PCMT1: variants seen among roughly 807,000 people sequenced by gnomAD.
PCMT1 encodes protein-L-isoaspartate(D-aspartate) O-methyltransferase.
A neutral mutation model predicts 29.2 loss-of-function variants in PCMT1; 9 were observed. The ratio of observed to expected loss-of-function variants is 0.31; its 90% confidence interval spans 0.19 to 0.54. The LOEUF is 0.54. Among genes scored for constraint, PCMT1 ranks in the 20% least tolerant of loss-of-function variants. PCMT1 has a pLI of 0.95. For synonymous variants in PCMT1, 98 were observed against 97.5 expected (o/e 1.00, Z -0.03); for missense variants, 184 against 282.2 (o/e 0.65, Z 2.49).
intron 6 of PCMT1, chr6:149,799,263 A>T (rs1788727093): frequency 6.6e-6 from 1 of 152,202 alleles, no homozygotes; most frequent in African/African-American, 2.4e-5. Context: ...TCAGTGAACC[A>T]TGATTGCACC....
In PCMT1 at chr6:149,793,603, G is replaced by T; in HGVS notation, c.352G>T (p.Asp118Tyr). 6.4e-7 allele frequency: 1 copy of T among 1,568,848 alleles called. No homozygotes were observed. The highest frequency in any genetic ancestry group is 1.2e-5 in the South Asian group (1 of 82,432). ...GIDHIKELVD[D>Y]SVNNVRKDDP... ...TGATCACATTAAAGAGCTAGTAGAT[G>T]ACTCAGTAAATAATGTCAGGAAGGA... Residue 118 changes from aspartate (D) to tyrosine (Y), a missense_variant, in exon 5 of 8, where the codon GAC (aspartate) becomes TAC (tyrosine). Coordinates refer to ENST00000464889, the MANE Select transcript of PCMT1 (RefSeq NM_001360452.2).
intron 1 of PCMT1, among the ~76,000 whole-genome samples, chr6:149,758,204 C>CTTTTTTTTTTTTTT (rs1583003709): frequency 1.5e-5 from 1 of 68,226 alleles, no homozygotes; most frequent in African/African-American, 6.3e-5. Context: ...TTCTTTCTTT[C>CTTTTTTTTTTTTTT]TTTCTTTTTT....
intron 3 of PCMT1, among the ~76,000 whole-genome samples, chr6:149,780,317 A>G (rs1414560479): frequency 6.6e-6 from 1 of 151,134 alleles, no homozygotes; most frequent in Non-Finnish European, 1.5e-5. Flanking sequence ...CCCCTGCCTG[A>G]GTGACAGATC....
intron 4 of PCMT1, among the ~76,000 whole-genome samples, chr6:149,793,319 T>TA (rs528675033): frequency 2.9e-4 from 44 of 152,194 alleles, no homozygotes; most frequent in Non-Finnish European, 5.1e-4. Context: ...CTAAGAAAGA[T>TA]ATAATTTTTC....
chr6:149,762,936 G>GAT (rs1463088505), intron 1 of PCMT1, among the ~76,000 whole-genome samples: 1 of 49,070 alleles, frequency 2.0e-5, no homozygotes, highest in Non-Finnish European at 2.8e-5. Context: ...TGATATATAT[G>GAT]ATATATATAT....
intron 1 of PCMT1, among the ~76,000 whole-genome samples, chr6:149,759,421 A>G (rs1177886789): frequency 6.6e-6 from 1 of 152,228 alleles, no homozygotes; most frequent in Non-Finnish European, 1.5e-5. Context: ...TCTTTTATTT[A>G]GATGTAACCT....
chr6:149,769,887 G>A lies in PCMT1; in HGVS notation c.56-1275G>A, dbSNP rs1232693748. 3.4e-5 allele frequency among the ~76,000 whole-genome samples: 5 copies of A among 147,378 alleles called. No homozygotes were observed. In the East Asian group the frequency reaches 8.1e-4, roughly 24 times the overall value. Reference sequence around the variant, plus strand: ...TTTGAGATTATAGGCATGGGCCGCTGCACCTGGCCTTAATCTCAGCTAATT... The same window carrying A: ...TTTGAGATTATAGGCATGGGCCGCTACACCTGGCCTTAATCTCAGCTAATT... On this transcript the variant is annotated intron_variant, in intron 1 of 7. Coordinates refer to ENST00000464889, the MANE Select transcript of PCMT1 (RefSeq NM_001360452.2).
intron 1 of PCMT1, among the ~76,000 whole-genome samples, chr6:149,761,292 T>C (rs1241750519): frequency 1.3e-5 from 2 of 151,706 alleles, no homozygotes; most frequent in Non-Finnish European, 2.9e-5. Context: ...CATATATATA[T>C]ACACATACAT....
chr6:149,795,235 C>T (rs1056915219), intron 5 of PCMT1: 40 of 391,084 alleles, frequency 1.0e-4, no homozygotes, highest in South Asian at 4.7e-4. Flanking sequence ...AACACGACAG[C>T]GCCATGTTGC....
At chr6:149,788,903 A>G (rs998463423) in intron 3 of PCMT1, among the ~76,000 whole-genome samples, 6 of 151,996 alleles carry the variant, frequency 3.9e-5, no homozygotes, top group African/African-American at 7.2e-5. Flanking sequence ...AATTTTTTCT[A>G]TGTGCATTCA....
intron 1 of PCMT1, among the ~76,000 whole-genome samples, chr6:149,760,856 C>G (rs1271850238): frequency 9.2e-5 from 14 of 151,882 alleles, no homozygotes; most frequent in Admixed American, 9.2e-4. Context: ...TCTCAAAAAA[C>G]AAACAAAACA....
rs75078842 is a variant in PCMT1, at chr6:149,806,585, G to A, written c.*38-4031G>A. 3.5e-3 allele frequency among the ~76,000 whole-genome samples: 526 copies of A among 151,900 alleles called. 3 individuals are homozygous for A. The highest frequency in any genetic ancestry group is 0.012 in the African/African-American group (499 of 41,442). On this transcript the variant is annotated intron_variant, in intron 7 of 7. Coordinates refer to ENST00000464889, the MANE Select transcript of PCMT1 (RefSeq NM_001360452.2). ...TTTCAAACTTTCCGTTTTTGTTTTTGTTTTGTTTTATTTTGTTTTGTTTTG... is the reference window on the plus strand; with the variant it reads ...TTTCAAACTTTCCGTTTTTGTTTTTATTTTGTTTTATTTTGTTTTGTTTTG...
At chr6:149,787,086 G>A (rs1444446916) in intron 3 of PCMT1, among the ~76,000 whole-genome samples, 34 of 140,188 alleles carry the variant, frequency 2.4e-4, no homozygotes, top group Non-Finnish European at 3.9e-4. Context: ...GACCAGCCCG[G>A]CCAACACAGC....
At chr6:149,796,745 G>T in intron 6 of PCMT1, 1 of 353,562 alleles carries the variant, frequency 2.8e-6, no homozygotes, top group Non-Finnish European at 5.0e-6. Context: ...GACAACAGTA[G>T]AATTGGGAAA....
At chr6:149,771,338 C>T (rs925331193) in intron 2 of PCMT1, 72 bp downstream of exon 2, 99 of 905,688 alleles carry the variant, frequency 1.1e-4, no homozygotes, top group Non-Finnish European at 1.5e-4. Context: ...TAGAAAAAGC[C>T]TGGGACACAG....
At chr6:149,773,903 A>G (rs952288428) in intron 3 of PCMT1, among the ~76,000 whole-genome samples, 9 of 152,238 alleles carry the variant, frequency 5.9e-5, no homozygotes, top group Non-Finnish European at 1.3e-4. Flanking sequence ...TATAAGAGCC[A>G]TTAAGCTGCA....
In PCMT1 at chr6:149,808,843, A is replaced by G. The variant is rs576205272; in HGVS notation, c.*38-1773A>G. ...AGTAGAGACGAGGTTTCACCATGTTAGCCAGGATGGTCTCGATCTCCTGAC... is the reference window on the plus strand; with the variant it reads ...AGTAGAGACGAGGTTTCACCATGTTGGCCAGGATGGTCTCGATCTCCTGAC... On this transcript the variant is annotated intron_variant, in intron 7 of 7. Coordinates refer to ENST00000464889, the MANE Select transcript of PCMT1 (RefSeq NM_001360452.2). Among the ~76,000 whole-genome samples the G allele has an allele frequency of 2.8e-4, 42 of 151,876 alleles. No individual in the cohort carries two copies. In the East Asian group the frequency reaches 3.1e-3, roughly 11 times the overall value.
intron 1 of PCMT1, among the ~76,000 whole-genome samples, chr6:149,769,506 G>A (rs1787224563): frequency 6.6e-6 from 1 of 151,214 alleles, no homozygotes; most frequent in Non-Finnish European, 1.5e-5. Flanking sequence ...TAGAGATGGG[G>A]TTTCACCATG....
intron 5 of PCMT1, chr6:149,794,890 T>C (rs941692744): frequency 1.0e-5 from 5 of 479,416 alleles, no homozygotes; most frequent in African/African-American, 4.0e-5. Flanking sequence ...AACTCACTTC[T>C]TGTATTAGAA....
Sources: allele counts gnomAD v4.1 joint callset (sites outside exome capture counted in the v4.1 genomes callset), GRCh38; gene constraint gnomAD v4.1.1; transcripts MANE v1.5; gene names NCBI Gene and HGNC (gene_info 2026-07-23, HGNC 2026-07-21).